The following CHCHD6 variants were observed in gnomAD, a reference collection of about 807,000 sequenced individuals.
CHCHD6 encodes the protein MICOS complex subunit MIC25.
CHCHD6 carries 28 observed loss-of-function variants against 32.3 expected under a neutral mutation model. That is an observed-to-expected ratio of 0.87 (90% CI 0.64 to 1.19). CHCHD6 has a LOEUF of 1.19. Ranked by LOEUF, CHCHD6 falls within the 50% of genes most tolerant of loss-of-function variation. The probability of loss-of-function intolerance (pLI) is 0.00; values close to 1 mark genes in which losing one functional copy is unlikely to be tolerated. For synonymous variants in CHCHD6, 122 were observed against 117.5 expected, an observed-to-expected ratio of 1.04 and a Z score of -0.25; for missense variants, 333 against 307.0, an observed-to-expected ratio of 1.08 and a Z score of -0.63.
intron 5 of CHCHD6, among the ~76,000 whole-genome samples, chr3:126,860,263 A>G (rs1941811247): frequency 6.6e-6 from 1 of 152,142 alleles, no homozygotes; most frequent in Non-Finnish European, 1.5e-5. Context: ...GAAGAGGCCC[A>G]CCTTCCACCG....
chr3:126,746,181 G>C (rs1936494620), intron 4 of CHCHD6, among the ~76,000 whole-genome samples: 1 of 152,200 alleles, frequency 6.6e-6, no homozygotes, highest in Non-Finnish European at 1.5e-5. Flanking sequence ...CACTGGGAGT[G>C]ACAGTCTCTG....
At chr3:126,923,960 G>A (rs1025407514) in intron 6 of CHCHD6, among the ~76,000 whole-genome samples, 5 of 152,092 alleles carry the variant, frequency 3.3e-5, no homozygotes, top group Admixed American at 2.6e-4. Context: ...TCTCCTTTTG[G>A]GGATGTATCC....
At chr3:126,888,948 C>G (rs2077715400) in intron 5 of CHCHD6, among the ~76,000 whole-genome samples, 1 of 152,182 alleles carries the variant, frequency 6.6e-6, no homozygotes. Context: ...TGCTTAGCCC[C>G]ACAGCAGGCC....
intron 4 of CHCHD6, among the ~76,000 whole-genome samples, chr3:126,785,740 A>G (rs1938166830): frequency 6.6e-6 from 1 of 152,170 alleles, no homozygotes; most frequent in Non-Finnish European, 1.5e-5. Flanking sequence ...ATTAAATAAT[A>G]ACTGTCCCCA....
intron 6 of CHCHD6, among the ~76,000 whole-genome samples, chr3:126,928,248 C>T (rs183379888): frequency 1.2e-4 from 18 of 152,318 alleles, no homozygotes; most frequent in African/African-American, 3.8e-4. Flanking sequence ...ATTTCTTCTG[C>T]GGCATTGTGT....
intron 4 of CHCHD6, among the ~76,000 whole-genome samples, chr3:126,793,790 G>A (rs975612348): frequency 2.0e-5 from 3 of 152,028 alleles, no homozygotes; most frequent in African/African-American, 7.2e-5. Context: ...CAGGTCTCCT[G>A]GGAACAGATA....
Position 126,806,961 on chromosome 3 carries a change from C to T in CHCHD6, c.412-45686C>T, listed in dbSNP as rs977643350. On this transcript the variant is annotated intron_variant, in intron 4 of 7. Transcript: ENST00000290913. ...GCTATCGCAAGGACAAAAAACGAAA[C>T]ACCGCATGTTCTCATTCATAGATGG... 2.0e-5 allele frequency among the ~76,000 whole-genome samples: 3 copies of T among 147,710 alleles called. No homozygotes were observed. In the Admixed American group the frequency reaches 2.1e-4, roughly 10 times the overall value.
intron 5 of CHCHD6, among the ~76,000 whole-genome samples, chr3:126,877,897 G>C (rs140496084): frequency 6.6e-6 from 1 of 152,310 alleles, no homozygotes; most frequent in East Asian, 1.9e-4. Flanking sequence ...AAAATGTATA[G>C]TTAAAAAAGT....
chr3:126,958,974 A>G (rs1413669574), intron 7 of CHCHD6, among the ~76,000 whole-genome samples: 1 of 152,218 alleles, frequency 6.6e-6, no homozygotes, highest in Non-Finnish European at 1.5e-5. Context: ...TTACCGAGGG[A>G]TCTGCTGCAG....
chr3:126,800,166 T>A (rs1326688191), intron 4 of CHCHD6, among the ~76,000 whole-genome samples: 1 of 152,214 alleles, frequency 6.6e-6, no homozygotes, highest in East Asian at 1.9e-4. Flanking sequence ...TGATATATAT[T>A]ATCAGATAAG....
intron 4 of CHCHD6, among the ~76,000 whole-genome samples, chr3:126,782,788 G>A (rs1463244302): frequency 6.6e-6 from 1 of 152,174 alleles, no homozygotes; most frequent in Admixed American, 6.5e-5. Context: ...GTCTTGCCAG[G>A]AATCAGGAAT....
intron 6 of CHCHD6, among the ~76,000 whole-genome samples, chr3:126,952,052 A>G (rs969306805): frequency 3.4e-4 from 52 of 152,228 alleles, no homozygotes; most frequent in Non-Finnish European, 5.9e-4. Context: ...CACATTGTGC[A>G]GTGAGTTGTG....
chr3:126,726,723 A>AG (rs1277464311), intron 1 of CHCHD6, among the ~76,000 whole-genome samples: 1 of 152,118 alleles, frequency 6.6e-6, no homozygotes, highest in African/African-American at 2.4e-5. Flanking sequence ...CCAGAGAGGG[A>AG]GGTGGTGGGC....
chr3:126,956,429 G>A (rs2078784016), intron 6 of CHCHD6, among the ~76,000 whole-genome samples: 1 of 152,220 alleles, frequency 6.6e-6, no homozygotes. Flanking sequence ...CCAGCTGCAT[G>A]GCCTTAATTC....
chr3:126,748,663 C>A (rs1225624848), intron 4 of CHCHD6, among the ~76,000 whole-genome samples: 1 of 151,932 alleles, frequency 6.6e-6, no homozygotes, highest in African/African-American at 2.4e-5. Context: ...TGATAACTTT[C>A]CTTCTTCACA....
Position 126,715,788 on chromosome 3 carries a change from A to T in CHCHD6, c.88-11290A>T, listed in dbSNP as rs541334185. 2.0e-5 allele frequency among the ~76,000 whole-genome samples: 3 copies of T among 152,238 alleles called. No individual in the cohort carries two copies. The East Asian group carries it at 5.8e-4, about 29-fold the overall frequency. On this transcript the variant is annotated intron_variant, in intron 1 of 7. Transcript: ENST00000290913. ...CTTGTGGAGTGCATCTTATTTTTAA[A>T]TGCCAGCTGGTCACAATTTCTCATG...
intron 6 of CHCHD6, among the ~76,000 whole-genome samples, chr3:126,948,031 C>T (rs2078664044): frequency 6.6e-6 from 1 of 152,176 alleles, no homozygotes; most frequent in Non-Finnish European, 1.5e-5. Context: ...TGCGCCTGGG[C>T]CCAGCCACCA....
chr3:126,799,967 A>G (rs901816784), intron 4 of CHCHD6, among the ~76,000 whole-genome samples: 3 of 152,198 alleles, frequency 2.0e-5, no homozygotes, highest in Non-Finnish European at 4.4e-5. Context: ...TCAAGTTTGC[A>G]TAGTATTTCA....
chr3:126,798,614 T>G (rs368843908), intron 4 of CHCHD6, among the ~76,000 whole-genome samples: 1 of 152,170 alleles, frequency 6.6e-6, no homozygotes, highest in Non-Finnish European at 1.5e-5. Flanking sequence ...GCTCTGTGGC[T>G]TGGAGCTGCT....
Sources: allele counts gnomAD v4.1 joint callset (sites outside exome capture counted in the v4.1 genomes callset), GRCh38; gene constraint gnomAD v4.1.1; transcripts MANE v1.5; gene names NCBI Gene and HGNC (gene_info 2026-07-23, HGNC 2026-07-21).